The following HEPACAM2 variants were observed in gnomAD, a reference collection of about 807,000 sequenced individuals.
HEPACAM2 encodes HEPACAM family member 2.
Under a neutral mutation model 49.6 loss-of-function variants are expected in HEPACAM2, and 49 were observed. The observed-to-expected ratio is 0.99, with a 90% CI of 0.78 to 1.25. The LOEUF (loss-of-function observed/expected upper bound fraction) is 1.25. Among genes scored for constraint, HEPACAM2 ranks in the 50% most tolerant of loss-of-function variants. HEPACAM2 has a pLI of 0.00. For missense variants in HEPACAM2, 525 were observed against 557.2 expected, an observed-to-expected ratio of 0.94 and a Z score of 0.58; for synonymous variants, 197 against 202.9, an observed-to-expected ratio of 0.97 and a Z score of 0.25.
At chr7:93,218,313 C>T (rs897125316) in intron 2 of HEPACAM2, among the ~76,000 whole-genome samples, 1 of 151,978 alleles carries the variant, frequency 6.6e-6, no homozygotes, top group Non-Finnish European at 1.5e-5. Flanking sequence ...TAGGACAGTT[C>T]AGGCCGCGGC....
chr7:93,200,315 C>A (rs1444173335), intron 4 of HEPACAM2, among the ~76,000 whole-genome samples: 1 of 151,998 alleles, frequency 6.6e-6, no homozygotes, highest in Non-Finnish European at 1.5e-5. Flanking sequence ...TTATCTTATA[C>A]CAGTACGGTA....
At position 93,189,107 on chromosome 7, in the gene HEPACAM2, A is replaced by T. The variant is rs1420129310; in HGVS notation, c.*160T>A. The T allele has an allele frequency of 3.6e-6, 2 of 550,376 alleles. No individual in the cohort carries two copies. The highest frequency in any genetic ancestry group is 6.4e-6 in the Non-Finnish European group (2 of 314,014). The allele number at this position is 550,376 out of a possible 1,614,324, so 34.1% of individuals were successfully genotyped here. A position where few individuals can be genotyped will look rare whatever the true frequency, so the allele number is the denominator to read the frequency against. ...TATATGCTGAAAAACCTGCAGTTCA[A>T]TTTGCATAAATGCCTCTATTCTGCA... On this transcript the variant is annotated 3_prime_UTR_variant, in exon 10 of 10. Transcript: ENST00000394468.
chr7:93,222,716 A>T lies in HEPACAM2; in HGVS notation c.80-3265T>A, dbSNP rs117364690. ...CTCAGTTTTCTCATGTGTGAATAGG[A>T]GGTAATATCAGATAAGGTGTAAGGC... On this transcript the variant is annotated intron_variant, in intron 1 of 9. Coordinates refer to ENST00000394468, the MANE Select transcript of HEPACAM2 (RefSeq NM_001039372.4). 5.9e-5 allele frequency among the ~76,000 whole-genome samples: 9 copies of T among 152,236 alleles called. No homozygotes were observed. The East Asian group carries it at 1.7e-3, about 29-fold the overall frequency.
At chr7:93,212,613 G>A (rs1179339490) in intron 3 of HEPACAM2, among the ~76,000 whole-genome samples, 1 of 151,832 alleles carries the variant, frequency 6.6e-6, no homozygotes, top group East Asian at 1.9e-4. Context: ...ACATTTCAGT[G>A]GATAATTTTC....
intron 3 of HEPACAM2, among the ~76,000 whole-genome samples, chr7:93,212,992 C>T (rs1395845135): frequency 1.3e-5 from 2 of 152,052 alleles, no homozygotes; most frequent in East Asian, 1.9e-4. Flanking sequence ...TGGCTGTTTA[C>T]TAAATGACTT....
rs114929390 is a variant in HEPACAM2 at position 93,191,801 on chromosome 7, C to T, written c.1385+453G>A. On this transcript the variant is annotated intron_variant, in intron 9 of 9. Coordinates refer to ENST00000394468, the MANE Select transcript of HEPACAM2 (RefSeq NM_001039372.4). ...AGGCTACTTTGAATAAGAGGATTGG[C>T]ATTGGTGCTGACTGTGCTGTGGACC... Among the ~76,000 whole-genome samples, 1,175 of 152,120 alleles carry T rather than the reference C, an allele frequency of 7.7e-3. 13 individuals are homozygous for T. Among genetic ancestry groups the T allele is most frequent in the African/African-American group, 0.027 (1,123 of 41,522 alleles).
chr7:93,193,839 T>C (rs1162530860), intron 8 of HEPACAM2, among the ~76,000 whole-genome samples: 1 of 152,172 alleles, frequency 6.6e-6, no homozygotes, highest in Non-Finnish European at 1.5e-5. Context: ...TTCCTTCTTT[T>C]CTAAAGGCCA....
Position 93,225,792 on chromosome 7 carries a change from G to C in HEPACAM2, c.79+576C>G, listed in dbSNP as rs1408634579. The stretch of plus-strand genomic sequence containing the variant: ...TTAATAGGACTAGCCATTGGGCAAA[G>C]AGAAAAGCTAAAGGCATTTTGGAGT... On this transcript the variant is annotated intron_variant, in intron 1 of 9. Transcript: ENST00000394468. The C allele has an allele frequency of 5.1e-5, 28 of 545,526 alleles. No individual in the cohort carries two copies. In the Admixed American group the frequency reaches 9.9e-4, roughly 19 times the overall value. The allele number at this position is 545,526 out of a possible 1,614,324, so 33.8% of individuals were successfully genotyped here.
the HEPACAM2 span, among the ~76,000 whole-genome samples, chr7:93,231,874 G>A: frequency 6.6e-6 from 1 of 152,128 alleles, no homozygotes; most frequent in East Asian, 1.9e-4. Flanking sequence ...GCAACCTAGA[G>A]CACACCTTTC....
intron 1 of HEPACAM2, chr7:93,225,852 A>G (rs1277031184): frequency 9.7e-7 from 1 of 1,035,804 alleles, no homozygotes; most frequent in East Asian, 2.7e-5. Context: ...CCTTTTGTGT[A>G]GGAAATTTTT....
At chr7:93,222,395 CCT>C (rs1491414337) in intron 1 of HEPACAM2, among the ~76,000 whole-genome samples, 1 of 152,042 alleles carries the variant, frequency 6.6e-6, no homozygotes, top group Non-Finnish European at 1.5e-5. Context: ...ATTGCTCCCT[CCT>C]TTTTTTTTAC....
chr7:93,207,719 T>C (rs563987084), intron 4 of HEPACAM2, among the ~76,000 whole-genome samples: 1 of 151,930 alleles, frequency 6.6e-6, no homozygotes, highest in East Asian at 2.0e-4. Context: ...AGAATAGCAA[T>C]TTTGGGGGAA....
At chr7:93,208,485 G>T in intron 4 of HEPACAM2, 95 bp downstream of exon 4, 1 of 1,033,258 alleles carries the variant, frequency 9.7e-7, no homozygotes, top group Non-Finnish European at 1.4e-6. Flanking sequence ...ATCCCACAAT[G>T]ATTTTCTTTT....
intron 9 of HEPACAM2, among the ~76,000 whole-genome samples, chr7:93,189,795 G>A (rs1459136988): frequency 6.6e-6 from 1 of 151,986 alleles, no homozygotes; most frequent in African/African-American, 2.4e-5. Context: ...CCAAATAAAA[G>A]AAAGCAGAGA....
Position 93,219,416 on chromosome 7 carries a change from G to T in HEPACAM2, c.115C>A (p.His39Asn). The T allele has an allele frequency of 6.2e-7, 1 of 1,614,018 alleles. No homozygotes were observed. The highest frequency in any genetic ancestry group is 1.1e-5 in the South Asian group (1 of 91,080). ...CSGLKVTVPSHTVHGVRGQAL... is the reference protein window; with the variant it reads ...CSGLKVTVPSNTVHGVRGQAL... Reference sequence around the variant, plus strand: ...TGACCTCTGACGCCATGGACAGTGTGTGATGGCACTGTCACCTTCAGCCCC... The same window carrying T: ...TGACCTCTGACGCCATGGACAGTGTTTGATGGCACTGTCACCTTCAGCCCC... Residue 39 changes from histidine to asparagine, a missense_variant, in exon 2 of 10, where the codon CAC becomes AAC. Transcript: ENST00000394468.
intron 3 of HEPACAM2, among the ~76,000 whole-genome samples, chr7:93,210,683 T>A (rs1289616073): frequency 6.6e-6 from 1 of 151,850 alleles, no homozygotes; most frequent in Admixed American, 6.6e-5. Flanking sequence ...TGGATATGGG[T>A]ATGGATGGTT....
Position 93,195,919 on chromosome 7 carries a change from T to C in HEPACAM2, c.1202-18A>G, listed in dbSNP as rs1305038504. On this transcript the variant is annotated intron_variant, in intron 7 of 9. Transcript: ENST00000394468. ...TTCATGGCCTGAAATGTAAAACAAA[T>C]ACTGCTTACAAACCGAATGCCTTGA... 3 of 1,574,342 alleles carry C rather than the reference T, an allele frequency of 1.9e-6. No individual in the cohort carries two copies. The Admixed American group carries it at 5.1e-5, about 27-fold the overall frequency.
At chr7:93,232,044 C>T in the HEPACAM2 span, among the ~76,000 whole-genome samples, 2 of 152,140 alleles carry the variant, frequency 1.3e-5, no homozygotes, top group Non-Finnish European at 2.9e-5. Context: ...TCCTAGGGGA[C>T]ATCGCGTCAA....
intron 4 of HEPACAM2, among the ~76,000 whole-genome samples, chr7:93,202,279 A>G (rs1793915292): frequency 6.6e-6 from 1 of 151,254 alleles, no homozygotes; most frequent in Non-Finnish European, 1.5e-5. Flanking sequence ...TTATATATAC[A>G]TAAAATCAAA....
Sources: gnomAD v4.1 joint callset for allele counts (sites outside exome capture counted in the v4.1 genomes callset) on GRCh38, gnomAD v4.1.1 for gene constraint, MANE v1.5 for transcripts, NCBI Gene and HGNC (gene_info 2026-07-23, HGNC 2026-07-21) for gene names.